Variants in CNTN1 observed in about 807,000 individuals in gnomAD.
CNTN1 encodes contactin 1.
Under a neutral mutation model 126.4 loss-of-function variants are expected in CNTN1, and 38 were observed. That is an observed-to-expected ratio of 0.30 (90% CI 0.23 to 0.39). CNTN1 has a LOEUF of 0.39. Ranked by LOEUF, CNTN1 falls within the 10% of genes least tolerant of loss-of-function variation. The pLI is 1.00. For synonymous variants in CNTN1, 413 were observed against 422.6 expected (o/e 0.98, Z 0.28); for missense variants, 1,009 against 1,248.4 (o/e 0.81, Z 2.89).
intron 1 of CNTN1, among the ~76,000 whole-genome samples, chr12:40,878,959 G>C (rs1012266477): frequency 1.8e-4 from 28 of 152,008 alleles, no homozygotes; most frequent in Non-Finnish European, 4.4e-5. Flanking sequence ...TCAATTAGTT[G>C]TTTTGAATTA....
At chr12:40,997,193 AC>A (rs1180445979) in intron 17 of CNTN1, among the ~76,000 whole-genome samples, 2 of 152,240 alleles carry the variant, frequency 1.3e-5, no homozygotes, top group Admixed American at 1.3e-4. Context: ...TAACAAAAGT[AC>A]CCTTTGAAAT....
chr12:40,947,635 C>T (rs1946476891), intron 14 of CNTN1, among the ~76,000 whole-genome samples: 2 of 151,730 alleles, frequency 1.3e-5, no homozygotes, highest in South Asian at 2.1e-4. Context: ...TTCAGTAGCC[C>T]TCAATTTTTG....
chr12:40,946,393 G>T (rs1462137604), intron 14 of CNTN1, among the ~76,000 whole-genome samples: 1 of 152,022 alleles, frequency 6.6e-6, no homozygotes. Flanking sequence ...GGTATTTTAT[G>T]TAGTTCTCCC....
chr12:41,065,670 T>C (rs952837585), intron 23 of CNTN1, among the ~76,000 whole-genome samples: 7 of 151,856 alleles, frequency 4.6e-5, no homozygotes, highest in African/African-American at 1.7e-4. Flanking sequence ...ATGAGGGGAG[T>C]GCAGTCCAGC....
rs547219331 is a variant in CNTN1 at position 41,042,088 on chromosome 12, T to C, written c.2980+12869T>C. On this transcript the variant is annotated intron_variant, in intron 23 of 23. Coordinates refer to ENST00000551295, the MANE Select transcript of CNTN1 (RefSeq NM_001843.4). ...ATTTCCCCCTACACACTGCTTTGAA[T>C]GTGTCCCAGAGATTCTGGTATGTTG... is the stretch of plus-strand genomic sequence containing the variant. Among the ~76,000 whole-genome samples the C allele has an allele frequency of 2.2e-4, 34 of 152,286 alleles. No homozygotes were observed. The East Asian group carries it at 5.8e-3, about 26-fold the overall frequency.
chr12:40,985,843 T>C (rs1947942500), intron 16 of CNTN1, among the ~76,000 whole-genome samples: 1 of 151,944 alleles, frequency 6.6e-6, no homozygotes, highest in Non-Finnish European at 1.5e-5. Flanking sequence ...CCACAGATAA[T>C]GGACAGTGTG....
rs75041721 is a variant in CNTN1, at chr12:40,705,367, C to T, written c.-77+12775C>T. ...TGCCATAGACCTTCTGCTCAGCTTG[C>T]GTATGCTTATATACTTTACTTATCA... On this transcript the variant is annotated intron_variant, in intron 1 of 23. Coordinates refer to ENST00000551295, the MANE Select transcript of CNTN1 (RefSeq NM_001843.4). Among the ~76,000 whole-genome samples the T allele has an allele frequency of 2.8e-3, 430 of 152,214 alleles. 1 individual carries two copies. The highest frequency in any genetic ancestry group is 6.8e-3 in the Middle Eastern group (2 of 294).
chr12:40,927,718 G>T (rs1945743398), intron 6 of CNTN1, among the ~76,000 whole-genome samples: 1 of 152,056 alleles, frequency 6.6e-6, no homozygotes, highest in African/African-American at 2.4e-5. Flanking sequence ...ATCTTGTTTA[G>T]CAGCACTTGG....
intron 1 of CNTN1, among the ~76,000 whole-genome samples, chr12:40,857,525 A>C (rs1193917861): frequency 6.6e-6 from 1 of 152,094 alleles, no homozygotes; most frequent in African/African-American, 2.4e-5. Flanking sequence ...TTCACAAGAA[A>C]TGAATGACCT....
rs1324102737 is a variant in CNTN1, at chr12:41,014,241, T to C, written c.2127T>C (p.Ala709=). Residue 709 remains alanine, a synonymous_variant, in exon 18 of 24, where the codon GCT becomes GCC. Transcript: ENST00000551295. The part of the protein sequence containing the change: ...IKTDGAAPNV[A]PSDVGGGGGR... Reference sequence around the variant, plus strand: ...TGTTTGTTTCAGCACCAAATGTGGCTCCTTCAGATGTAGGAGGTGGAGGTG... The same window carrying C: ...TGTTTGTTTCAGCACCAAATGTGGCCCCTTCAGATGTAGGAGGTGGAGGTG... 2 of 1,613,888 alleles carry C rather than the reference T, an allele frequency of 1.2e-6. No individual in the cohort carries two copies. Among genetic ancestry groups the C allele is most frequent in the Admixed American group, 1.7e-5 (1 of 59,994 alleles).
At chr12:40,879,836 G>GT (rs370759788) in intron 1 of CNTN1, among the ~76,000 whole-genome samples, 31 of 151,584 alleles carry the variant, frequency 2.0e-4, no homozygotes, top group Admixed American at 4.0e-4. Flanking sequence ...TTATGTCCTT[G>GT]TTTTTTTTCT....
At chr12:40,717,875 A>G (rs772998779) in intron 1 of CNTN1, among the ~76,000 whole-genome samples, 1 of 152,196 alleles carries the variant, frequency 6.6e-6, no homozygotes, top group Non-Finnish European at 1.5e-5. Context: ...GTCTATATTA[A>G]TCAGCTTTAG....
chr12:40,907,952 C>T (rs1944890911), intron 1 of CNTN1, among the ~76,000 whole-genome samples: 2 of 152,128 alleles, frequency 1.3e-5, no homozygotes, highest in South Asian at 2.1e-4. Context: ...CCAGGCCTTC[C>T]GTTAAATGTA....
chr12:40,805,672 A>G (rs1940825941), intron 1 of CNTN1, among the ~76,000 whole-genome samples: 1 of 151,974 alleles, frequency 6.6e-6, no homozygotes, highest in African/African-American at 2.4e-5. Context: ...AGTTTGGTTT[A>G]GTTGGTTACT....
chr12:40,744,194 T>A (rs375927205), intron 1 of CNTN1, among the ~76,000 whole-genome samples: 2 of 151,982 alleles, frequency 1.3e-5, no homozygotes. Context: ...TGGGACTTAA[T>A]ACCTAGGCGA....
chr12:40,944,028 C>A lies in CNTN1; in HGVS notation c.1541C>A (p.Ala514Asp). The change falls in exon 14 of 24, where the codon GCC (alanine) becomes GAC (aspartate). Residue 514 changes from alanine (A) to aspartate (D), a missense_variant. Physicochemically the swap from Ala to Asp is moderately radical, Grantham distance 126 (BLOSUM62 -2). Transcript: ENST00000551295. ...PTRIILAPIN[A>D]DITVGENATM... ...CGAATTATATTGGCCCCAATTAATGCCGATATCACAGTTGGAGAAAACGCC... is the reference window on the plus strand; with the variant it reads ...CGAATTATATTGGCCCCAATTAATGACGATATCACAGTTGGAGAAAACGCC... 4 of 1,613,400 alleles carry A rather than the reference C, an allele frequency of 2.5e-6. No homozygotes were observed. In the South Asian group the frequency reaches 4.4e-5, roughly 18 times the overall value.
At chr12:40,907,286 T>C (rs984442463) in intron 1 of CNTN1, among the ~76,000 whole-genome samples, 5 of 152,206 alleles carry the variant, frequency 3.3e-5, no homozygotes, top group African/African-American at 1.2e-4. Context: ...GTGAAAATGA[T>C]TAACACTTTT....
intron 15 of CNTN1, among the ~76,000 whole-genome samples, chr12:40,977,764 C>CTGTTTTTTTTTGTTT (rs1469383902): frequency 1.4e-5 from 1 of 69,056 alleles, no homozygotes; most frequent in Non-Finnish European, 2.9e-5. Flanking sequence ...TAACAATCAT[C>CTGTTTTTTTTTGTTT]TGTTTTGTTT....
At chr12:40,934,132 G>A (rs1945996677) in intron 9 of CNTN1, among the ~76,000 whole-genome samples, 2 of 152,006 alleles carry the variant, frequency 1.3e-5, no homozygotes, top group African/African-American at 4.8e-5. Context: ...GTAATTTTCA[G>A]AATATACACT....
Sources: gnomAD v4.1 joint callset for allele counts (sites outside exome capture counted in the v4.1 genomes callset) on GRCh38, gnomAD v4.1.1 for gene constraint, MANE v1.5 for transcripts, NCBI Gene and HGNC (gene_info 2026-07-23, HGNC 2026-07-21) for gene names.